The following IL18 variants were observed in gnomAD, a reference collection of about 807,000 sequenced individuals.
IL18 encodes interleukin-18.
In IL18, 8 loss-of-function variants were observed where a neutral mutation model predicts 14.2. The observed-to-expected ratio is 0.56, with a 90% CI of 0.33 to 1.01. IL18 has a LOEUF of 1.01. IL18 is among the 50% of genes least tolerant of loss of function. IL18 has a pLI of 0.03. For missense variants in IL18, 166 were observed against 231.1 expected, an observed-to-expected ratio of 0.72 and a Z score of 1.83; for synonymous variants, 67 against 71.0, an observed-to-expected ratio of 0.94 and a Z score of 0.28.
chr11:112,162,869 A>G (rs2135327796), intron 1 of IL18, among the ~76,000 whole-genome samples: 1 of 152,198 alleles, frequency 6.6e-6, no homozygotes, highest in East Asian at 1.9e-4. Flanking sequence ...TGAACTCACC[A>G]CAGATTTGGC....
chr11:112,159,528 G>T (rs1316162296), intron 1 of IL18, among the ~76,000 whole-genome samples: 1 of 152,198 alleles, frequency 6.6e-6, no homozygotes, highest in Non-Finnish European at 1.5e-5. Flanking sequence ...AGAAGAAGGA[G>T]GAACTGAGGA....
Position 112,143,347 on chromosome 11 carries a change from C to T in IL18, c.*249G>A, listed in dbSNP as rs1389758967. The stretch of plus-strand genomic sequence containing the variant: ...CCAGGCTAGAGCGCAATGGTGCAAT[C>T]TCGGCTCACCACAACCTCTACCTCC... On this transcript the variant is annotated 3_prime_UTR_variant, in exon 6 of 6. Coordinates refer to ENST00000280357, the MANE Select transcript of IL18 (RefSeq NM_001562.4). 3.0e-6 allele frequency: 1 copy of T among 333,898 alleles called. No individual in the cohort carries two copies. The highest frequency in any genetic ancestry group is 5.5e-6 in the Non-Finnish European group (1 of 182,486). The allele number at this position is 333,898 out of a possible 1,614,324, so 20.7% of individuals were successfully genotyped here.
In IL18 at chr11:112,151,310, G is replaced by T. The variant is rs532121226; in HGVS notation, c.92-1104C>A. Reference sequence around the variant, plus strand: ...AACTAGAAAAAGCAGCTTAGGTATAGTACAATCCCTTTTAATAAAAATATA... The same window carrying T: ...AACTAGAAAAAGCAGCTTAGGTATATTACAATCCCTTTTAATAAAAATATA... On this transcript the variant is annotated intron_variant, in intron 3 of 5. Transcript: ENST00000280357. Among the ~76,000 whole-genome samples, 4 of 152,194 alleles carry T rather than the reference G, an allele frequency of 2.6e-5. No homozygotes were observed. In the East Asian group the frequency reaches 7.7e-4, roughly 29 times the overall value.
rs561459069 is a variant in IL18 at position 112,149,558 on chromosome 11, G to GT, written c.226+513dup. On this transcript the variant is annotated intron_variant, in intron 4 of 5. Transcript: ENST00000280357. ...AGACTTGATCATTTTCTTTTCTTAA[G>GT]TTTTTTTTTTTTTTTTTTTTTTTTT... 8.4e-3 allele frequency among the ~76,000 whole-genome samples: 836 copies of GT among 99,296 alleles called. 5 individuals are homozygous for GT. Among genetic ancestry groups the GT allele is most frequent in the East Asian group, 0.035 (111 of 3,146 alleles). The allele number at this position is 99,296 out of a possible 152,430, so 65.1% of individuals were successfully genotyped here.
At chr11:112,153,492 G>A (rs1866482385) in intron 3 of IL18, 100 bp downstream of exon 3, 11 of 731,038 alleles carry the variant, frequency 1.5e-5, no homozygotes, top group Non-Finnish European at 2.2e-5. Flanking sequence ...TTGGTAGCAT[G>A]AGAACCATTT....
chr11:112,157,591 C>A (rs1866555572), intron 1 of IL18, among the ~76,000 whole-genome samples: 1 of 152,104 alleles, frequency 6.6e-6, no homozygotes, highest in South Asian at 2.1e-4. Context: ...ACAAGAGATT[C>A]ATTCTTTCTG....
intron 1 of IL18, 125 bp downstream of exon 1, chr11:112,163,781 T>G (rs748023986): frequency 4.6e-5 from 7 of 152,402 alleles, no homozygotes; most frequent in Non-Finnish European, 8.8e-5. Context: ...ATATTTCTTA[T>G]GTTGATACTG....
At chr11:112,159,882 A>G (rs866969548) in intron 1 of IL18, among the ~76,000 whole-genome samples, 5 of 152,200 alleles carry the variant, frequency 3.3e-5, no homozygotes, top group Admixed American at 6.5e-5. Flanking sequence ...ACTACAAACT[A>G]TTCTTTTAGG....
Position 112,154,547 on chromosome 11 carries a change from A to G in IL18, c.79+428T>C, listed in dbSNP as rs1250895621. Among the ~76,000 whole-genome samples the G allele has an allele frequency of 2.0e-5, 3 of 152,144 alleles. No individual in the cohort carries two copies. The East Asian group carries it at 5.8e-4, about 29-fold the overall frequency. The stretch of plus-strand genomic sequence containing the variant: ...AAGAATCAATTTTTACTTGTCAAAC[A>G]TATTTACATAAAATGGTGTAATTCA... On this transcript the variant is annotated intron_variant, in intron 2 of 5. Transcript: ENST00000280357.
chr11:112,158,441 A>G lies in IL18; in HGVS notation c.-8-3380T>C, dbSNP rs898840303. Among the ~76,000 whole-genome samples the G allele has an allele frequency of 5.3e-5, 8 of 150,016 alleles. No individual in the cohort carries two copies. In the South Asian group the frequency reaches 8.4e-4, roughly 16 times the overall value. On this transcript the variant is annotated intron_variant, in intron 1 of 5. Coordinates refer to ENST00000280357, the MANE Select transcript of IL18 (RefSeq NM_001562.4). ...GTGTTTTGTAGCCTGCTGTCTCCAC[A>G]CAGCCTATTATGGTGGTACTTTGGC...
rs183621789 is a variant in IL18, at chr11:112,143,947, C to A, written c.361-130G>T. ...TTCTCAAGAGTTACATAAAAAAAATCTCTGAACAGCAGTACTGACCTCCTC... is the reference window on the plus strand; with the variant it reads ...TTCTCAAGAGTTACATAAAAAAAATATCTGAACAGCAGTACTGACCTCCTC... On this transcript the variant is annotated intron_variant, in intron 5 of 5. Coordinates refer to ENST00000280357, the MANE Select transcript of IL18 (RefSeq NM_001562.4). The A allele has an allele frequency of 3.0e-5, 19 of 623,582 alleles. No individual in the cohort carries two copies. The East Asian group carries it at 4.1e-4, about 14-fold the overall frequency. 38.6% of individuals were successfully genotyped at this position (623,582 alleles called of 1,614,324 possible). A position where few individuals can be genotyped will look rare whatever the true frequency, so the allele number is the denominator to read the frequency against.
chr11:112,153,491 T>A, intron 3 of IL18, 101 bp downstream of exon 3: 3 of 723,100 alleles, frequency 4.1e-6, no homozygotes, highest in Non-Finnish European at 6.6e-6. Flanking sequence ...ATTGGTAGCA[T>A]GAGAACCATT....
intron 3 of IL18, among the ~76,000 whole-genome samples, chr11:112,151,611 A>C (rs1457326590): frequency 6.6e-6 from 1 of 152,154 alleles, no homozygotes; most frequent in East Asian, 1.9e-4. Flanking sequence ...TTTTAGCAAG[A>C]ATTATCTGTA....
chr11:112,153,611 G>T lies in IL18; in HGVS notation c.80-8C>A. 1 of 1,546,866 alleles carries T rather than the reference G, an allele frequency of 6.5e-7. No homozygotes were observed. Among genetic ancestry groups the T allele is most frequent in the East Asian group, 2.3e-5 (1 of 43,978 alleles). ...CTTTACCATCATCTTCAGCTAAGAGGGGGAAAAAGAGAGAAACAGAATATG... is the reference window on the plus strand; with the variant it reads ...CTTTACCATCATCTTCAGCTAAGAGTGGGAAAAAGAGAGAAACAGAATATG... On this transcript the variant is annotated splice_polypyrimidine_tract_variant and splice_region_variant and intron_variant, in intron 2 of 5. Coordinates refer to ENST00000280357, the MANE Select transcript of IL18 (RefSeq NM_001562.4).
At chr11:112,146,825 T>G (rs1211327366) in intron 5 of IL18, among the ~76,000 whole-genome samples, 1 of 151,218 alleles carries the variant, frequency 6.6e-6, no homozygotes, top group African/African-American at 2.4e-5. Flanking sequence ...AAATGTCAGA[T>G]TCCCTCATTT....
chr11:112,144,622 A>T (rs1235182758), intron 5 of IL18, among the ~76,000 whole-genome samples: 1 of 152,226 alleles, frequency 6.6e-6, no homozygotes, highest in Non-Finnish European at 1.5e-5. Context: ...CTTTCAGTGG[A>T]GCCTGAAATT....
At chr11:112,149,558 GTTTTTT>G (rs561459069) in intron 4 of IL18, among the ~76,000 whole-genome samples, 1 of 99,374 alleles carries the variant, frequency 1.0e-5, no homozygotes. Context: ...CTTTTCTTAA[GTTTTTT>G]TTTTTTTTTT....
At chr11:112,163,309 C>T (rs1866665413) in intron 1 of IL18, among the ~76,000 whole-genome samples, 1 of 151,924 alleles carries the variant, frequency 6.6e-6, no homozygotes, top group Admixed American at 6.6e-5. Flanking sequence ...GTAACTGATT[C>T]TGTCTTGAGA....
intron 5 of IL18, among the ~76,000 whole-genome samples, chr11:112,144,418 G>A (rs5744287): frequency 1.3e-5 from 2 of 152,108 alleles, no homozygotes. Flanking sequence ...ATTTATTTTT[G>A]TAGAGAAGGG....
Sources: gnomAD v4.1 joint callset for allele counts (sites outside exome capture counted in the v4.1 genomes callset) on GRCh38, gnomAD v4.1.1 for gene constraint, MANE v1.5 for transcripts, NCBI Gene and HGNC (gene_info 2026-07-23, HGNC 2026-07-21) for gene names.